The following SPOCK2 variants were observed in gnomAD, a reference collection of about 807,000 sequenced individuals.
The protein encoded by SPOCK2 is SPARC (osteonectin), cwcv and kazal like domains proteoglycan 2.
SPOCK2 carries 39 observed loss-of-function variants against 60.1 expected under a neutral mutation model. That is an observed-to-expected ratio of 0.65 (90% CI 0.50 to 0.85). The LOEUF (loss-of-function observed/expected upper bound fraction) is 0.85. SPOCK2 is among the 40% of genes least tolerant of loss of function. The pLI, the probability that SPOCK2 is intolerant of heterozygous loss-of-function variation, is 0.00. For missense variants in SPOCK2, 523 were observed against 567.4 expected (o/e 0.92, Z 0.80); for synonymous variants, 217 against 231.5 (o/e 0.94, Z 0.57).
At chr10:72,067,811 A>G (rs944744718) in intron 6 of SPOCK2, 79 bp from the exon 7 acceptor site, 2 of 1,552,722 alleles carry the variant, frequency 1.3e-6, no homozygotes, top group East Asian at 2.4e-5. Flanking sequence ...ATCCTGCCCT[A>G]CAGGCCAGGA....
chr10:72,081,150 G>C (rs181692094), intron 1 of SPOCK2, among the ~76,000 whole-genome samples: 109 of 152,332 alleles, frequency 7.2e-4, no homozygotes, highest in African/African-American at 2.6e-3. Flanking sequence ...AAGAGGAGTG[G>C]GGTTGCAGGT....
rs1332539505 is a variant in SPOCK2 at position 72,061,798 on chromosome 10, C to T, written c.*962G>A. 6.6e-6 allele frequency: 1 copy of T among 152,480 alleles called. No individual in the cohort carries two copies. Among genetic ancestry groups the T allele is most frequent in the African/African-American group, 2.4e-5 (1 of 41,432 alleles). The allele number at this position is 152,480 out of a possible 1,614,324, so 9.4% of individuals were successfully genotyped here. A position where few individuals can be genotyped will look rare whatever the true frequency, so the allele number is the denominator to read the frequency against. On this transcript the variant is annotated 3_prime_UTR_variant, in exon 11 of 11. Transcript: ENST00000373109. ...AGCAGCCCAGATCATGGCTCCACCA[C>T]GAGACCCAGAGAAAAGGGACAGGCT...
chr10:72,080,029 A>G (rs554194977), intron 1 of SPOCK2, among the ~76,000 whole-genome samples: 63 of 152,204 alleles, frequency 4.1e-4, no homozygotes, highest in Non-Finnish European at 6.2e-4. Flanking sequence ...CTTTCAAAAG[A>G]CACAAGACAG....
rs1840668976 is a variant in SPOCK2 at position 72,072,907 on chromosome 10, C to T, written c.193G>A (p.Val65Met). The stretch of plus-strand genomic sequence containing the variant: ...GGGTCCTGGGCAGTACTCACCTCCA[C>T]TTCCTGGAGATCAGGGAACAGCAGC... ...IKHWNRFRDE[V>M]EDDYIKSWED... Residue 65 changes from valine to methionine, a missense_variant, in exon 2 of 11, where the codon GTG (valine) becomes ATG (methionine). Val to Met is a conservative substitution (Grantham distance 21). Coordinates refer to ENST00000373109, the MANE Select transcript of SPOCK2 (RefSeq NM_001244950.2). 6.4e-7 allele frequency: 1 copy of T among 1,555,104 alleles called. No homozygotes were observed. The highest frequency in any genetic ancestry group is 2.4e-5 in the East Asian group (1 of 41,262).
At chr10:72,064,088 A>G in intron 9 of SPOCK2, 90 bp downstream of exon 9, 1 of 1,515,610 alleles carries the variant, frequency 6.6e-7, no homozygotes, top group Non-Finnish European at 8.9e-7. Flanking sequence ...CATGTCTGCC[A>G]TGAGGCCCAA....
At chr10:72,079,779 C>A (rs1342546068) in intron 1 of SPOCK2, among the ~76,000 whole-genome samples, 1 of 152,090 alleles carries the variant, frequency 6.6e-6, no homozygotes, top group African/African-American at 2.4e-5. Flanking sequence ...GATCCACCTG[C>A]TTCTTTGCAG....
At position 72,062,538 on chromosome 10, in the gene SPOCK2, C is replaced by A; in HGVS notation, c.*222G>T. The A allele has an allele frequency of 6.3e-6, 3 of 473,844 alleles. No homozygotes were observed. The highest frequency in any genetic ancestry group is 9.8e-6 in the Non-Finnish European group (3 of 306,546). 29.4% of individuals were successfully genotyped at this position (473,844 alleles called of 1,614,324 possible). On this transcript the variant is annotated 3_prime_UTR_variant, in exon 11 of 11. Transcript: ENST00000373109. This position sits in a 1 kb window ranked among gnomAD's most constrained non-coding sequence, Gnocchi z 4.3. ...CAAGGACACATTTGTCAGCGCATGC[C>A]ACACACACACACACATACACACATG...
rs1757946313 is a variant in SPOCK2 at position 72,080,613 on chromosome 10, T to TGGC, written c.189+7524_189+7526dup. ...CAGTGTCCCTGTGAGGGGGTGGGGG[T>TGGC]GGCTGGGAAGTGGGGGGCAGAGGGG... On this transcript the variant is annotated intron_variant, in intron 1 of 10. Transcript: ENST00000373109. 2.8e-5 allele frequency among the ~76,000 whole-genome samples: 4 copies of TGGC among 144,952 alleles called. No homozygotes were observed. The South Asian group carries it at 8.8e-4, about 32-fold the overall frequency.
chr10:72,084,976 GTGGAGT>G (rs1564551733), intron 1 of SPOCK2, among the ~76,000 whole-genome samples: 1 of 152,192 alleles, frequency 6.6e-6, no homozygotes, highest in African/African-American at 2.4e-5. Context: ...CTTCATAGAA[GTGGAGT>G]ACAAAGTAGA....
Position 72,062,675 on chromosome 10 carries a change from A to C in SPOCK2, c.*85T>G. 6.6e-7 allele frequency: 1 copy of C among 1,525,902 alleles called. No homozygotes were observed. Among genetic ancestry groups the C allele is most frequent in the Non-Finnish European group, 8.7e-7 (1 of 1,146,032 alleles). 94.5% of individuals were successfully genotyped at this position (1,525,902 alleles called of 1,614,324 possible). A position where few individuals can be genotyped will look rare whatever the true frequency, so the allele number is the denominator to read the frequency against. On this transcript the variant is annotated 3_prime_UTR_variant, in exon 11 of 11. Coordinates refer to ENST00000373109, the MANE Select transcript of SPOCK2 (RefSeq NM_001244950.2). This position sits in a 1 kb window ranked among gnomAD's most constrained non-coding sequence, Gnocchi z 4.3. ...GGTGGAGCAGGGTCCTTCTGACTGC[A>C]TTTCTGGATCCGTTCTCGAAGTTGC...
At chr10:72,069,792 C>T (rs558397471) in intron 5 of SPOCK2, among the ~76,000 whole-genome samples, 11 of 152,284 alleles carry the variant, frequency 7.2e-5, no homozygotes, top group African/African-American at 2.6e-4. Flanking sequence ...AATATTGTCT[C>T]CTGAAATCCT....
chr10:72,063,181 G>A lies in SPOCK2; in HGVS notation c.992-19C>T. On this transcript the variant is annotated intron_variant, in intron 9 of 10. Transcript: ENST00000373109. ...AAGATGCCTGAATGAGACAGTGCCAGGCAGGGTCAGAGCAGGGGCCCAGGC... is the reference window on the plus strand; with the variant it reads ...AAGATGCCTGAATGAGACAGTGCCAAGCAGGGTCAGAGCAGGGGCCCAGGC... The A allele has an allele frequency of 6.4e-7, 1 of 1,554,686 alleles. No homozygotes were observed. The highest frequency in any genetic ancestry group is 8.7e-7 in the Non-Finnish European group (1 of 1,148,748).
chr10:72,069,161 C>A, intron 5 of SPOCK2: 1 of 160,142 alleles, frequency 6.2e-6, no homozygotes, highest in Non-Finnish European at 1.3e-5. Context: ...TCCTCTTCTT[C>A]TCCTCCTCCT....
chr10:72,062,811 C>T lies in SPOCK2; in HGVS notation c.1224G>A (p.Glu408=), dbSNP rs766818348. ...CCTCGCCTGCCTCGCCCTCCTCCTC[C>T]TCGGCCTCCTCGCCTGCTTCCTCCG... ...KETEEAGEEA[E]EEEGEAGEAD... is the part of the protein sequence containing the mutation. The change falls in exon 11 of 11, where the codon GAG becomes GAA. Residue 408 remains glutamate, a synonymous_variant. Coordinates refer to ENST00000373109, the MANE Select transcript of SPOCK2 (RefSeq NM_001244950.2). This position sits in a 1 kb window ranked among gnomAD's most constrained non-coding sequence, Gnocchi z 4.3. 1 of 1,610,058 alleles carries T rather than the reference C, an allele frequency of 6.2e-7. No homozygotes were observed. The highest frequency in any genetic ancestry group is 1.3e-5 in the African/African-American group (1 of 75,064).
Position 72,071,980 on chromosome 10 carries a change from A to G in SPOCK2, c.359+164T>C, listed in dbSNP as rs74352230. Among the ~76,000 whole-genome samples the G allele has an allele frequency of 1.4e-4, 22 of 152,352 alleles. No individual in the cohort carries two copies. In the East Asian group the frequency reaches 4.2e-3, roughly 29 times the overall value. On this transcript the variant is annotated intron_variant, in intron 4 of 10. Transcript: ENST00000373109. The stretch of plus-strand genomic sequence containing the variant: ...CTAAGAGAACCACTTCTGGATTCCA[A>G]CCCTCAGAAATGATGTCAGATAATA...
chr10:72,072,976 G>A, intron 1 of SPOCK2, 66 bp from the exon 2 acceptor site: 1 of 1,551,024 alleles, frequency 6.4e-7, no homozygotes, highest in South Asian at 1.2e-5. Flanking sequence ...AGAAAGATGG[G>A]GATATCAGTG....
Position 72,067,126 on chromosome 10 carries a change from A to G in SPOCK2, c.710-6T>C, listed in dbSNP as rs750930990. On this transcript the variant is annotated splice_region_variant and splice_polypyrimidine_tract_variant and intron_variant, in intron 7 of 10. Coordinates refer to ENST00000373109, the MANE Select transcript of SPOCK2 (RefSeq NM_001244950.2). ...CCCCAGGCTCTTGTCCAGCCCTGGGAAAAGATCAGGTTCAGGCACGCTTCA... is the reference window on the plus strand; with the variant it reads ...CCCCAGGCTCTTGTCCAGCCCTGGGGAAAGATCAGGTTCAGGCACGCTTCA... 1.7e-5 allele frequency: 28 copies of G among 1,612,430 alleles called. No homozygotes were observed. The highest frequency in any genetic ancestry group is 2.3e-5 in the Non-Finnish European group (27 of 1,179,476).
chr10:72,066,465 G>A (rs1052124990), intron 8 of SPOCK2, among the ~76,000 whole-genome samples: 25 of 149,832 alleles, frequency 1.7e-4, no homozygotes, highest in Non-Finnish European at 2.5e-4. Context: ...AGCCTCTCAA[G>A]TGGCAGGGAC....
At chr10:72,074,574 T>A (rs1840690548) in intron 1 of SPOCK2, among the ~76,000 whole-genome samples, 1 of 152,252 alleles carries the variant, frequency 6.6e-6, no homozygotes, top group African/African-American at 2.4e-5. Context: ...GTTCACCCAG[T>A]GCCAGATGGT....
Sources: gnomAD v4.1 joint callset for allele counts (sites outside exome capture counted in the v4.1 genomes callset) on GRCh38, gnomAD v4.1.1 for gene constraint, Gnocchi (gnomAD v3.1) non-coding constraint, MANE v1.5 for transcripts, NCBI Gene and HGNC (gene_info 2026-07-23, HGNC 2026-07-21) for gene names.